Variants in ZNF682 observed in about 807,000 individuals in gnomAD.
The protein encoded by ZNF682 is zinc finger protein 682.
In ZNF682, 29 loss-of-function variants were observed where a neutral mutation model predicts 36.5. That is an observed-to-expected ratio of 0.80 (90% CI 0.59 to 1.08). ZNF682 has a LOEUF of 1.08. Ranked by LOEUF, ZNF682 falls within the 50% of genes least tolerant of loss-of-function variation. The pLI is 0.00. For missense variants in ZNF682, 561 were observed against 579.7 expected, an observed-to-expected ratio of 0.97 and a Z score of 0.33; for synonymous variants, 180 against 197.0, an observed-to-expected ratio of 0.91 and a Z score of 0.72.
intron 3 of ZNF682, among the ~76,000 whole-genome samples, chr19:20,011,923 GC>G (rs1428689040): frequency 1.3e-5 from 2 of 152,052 alleles, no homozygotes; most frequent in Non-Finnish European, 2.9e-5. Flanking sequence ...TGTAATCCTA[GC>G]TACCTGGGAG....
chr19:20,037,384 C>A (rs1057414001), intron 1 of ZNF682, among the ~76,000 whole-genome samples: 1 of 152,136 alleles, frequency 6.6e-6, no homozygotes, highest in African/African-American at 2.4e-5. Flanking sequence ...TCAGGTGGCA[C>A]AGAAGCCTGG....
At chr19:20,025,857 T>A (rs1231344512) in intron 1 of ZNF682, among the ~76,000 whole-genome samples, 1 of 152,176 alleles carries the variant, frequency 6.6e-6, no homozygotes, top group Non-Finnish European at 1.5e-5. Flanking sequence ...AAGCTACAGA[T>A]ATCTCCCAGG....
At chr19:20,000,430 T>C (rs2088159539), downstream of ZNF682, among the ~76,000 whole-genome samples, 1 of 152,162 alleles carries the variant, frequency 6.6e-6, no homozygotes, top group Admixed American at 6.5e-5. Context: ...CACCCACAGA[T>C]AACAGGGCAA....
At chr19:20,016,171 C>T (rs547560123) in intron 3 of ZNF682, among the ~76,000 whole-genome samples, 19 of 152,162 alleles carry the variant, frequency 1.2e-4, no homozygotes, top group Admixed American at 2.6e-4. Context: ...ATTAGCCAGG[C>T]GTGGTAGCAC....
At chr19:20,016,382 G>C (rs533233103) in intron 3 of ZNF682, among the ~76,000 whole-genome samples, 59 of 152,000 alleles carry the variant, frequency 3.9e-4, no homozygotes, top group Non-Finnish European at 7.4e-4. Context: ...ATCTGACAGG[G>C]AATTCAAAAT....
intron 1 of ZNF682, among the ~76,000 whole-genome samples, chr19:20,033,231 C>T (rs757283643): frequency 5.3e-5 from 8 of 152,110 alleles, no homozygotes; most frequent in African/African-American, 1.2e-4. Flanking sequence ...CGAGATCACA[C>T]CACTGCACTC....
chr19:20,000,291 A>G (rs1262824196), downstream of ZNF682, among the ~76,000 whole-genome samples: 1 of 152,200 alleles, frequency 6.6e-6, no homozygotes, highest in Non-Finnish European at 1.5e-5. Context: ...TTGGTGAGAG[A>G]TGCTCAAGAG....
intron 3 of ZNF682, among the ~76,000 whole-genome samples, chr19:20,013,303 A>T (rs1160990154): frequency 2.0e-5 from 3 of 152,032 alleles, no homozygotes; most frequent in South Asian, 4.1e-4. Context: ...ACTATAACAT[A>T]TATATTATCA....
intron 3 of ZNF682, among the ~76,000 whole-genome samples, chr19:20,009,516 G>A (rs2088263093): frequency 6.6e-6 from 1 of 152,064 alleles, no homozygotes; most frequent in African/African-American, 2.4e-5. Context: ...AGAGATACAA[G>A]AAATTCAAGG....
At chr19:20,011,980 T>G (rs2088292289) in intron 3 of ZNF682, among the ~76,000 whole-genome samples, 1 of 151,884 alleles carries the variant, frequency 6.6e-6, no homozygotes, top group Non-Finnish European at 1.5e-5. Flanking sequence ...GAGGTTGCAG[T>G]GAGCGGAGAT....
At chr19:20,028,422 G>A (rs895041765) in intron 1 of ZNF682, among the ~76,000 whole-genome samples, 13 of 152,096 alleles carry the variant, frequency 8.5e-5, no homozygotes, top group Admixed American at 8.5e-4. Context: ...ATATTGGCTA[G>A]GCTGGTCTTG....
At chr19:20,038,388 T>C (rs765717693) in intron 1 of ZNF682, among the ~76,000 whole-genome samples, 21 of 151,982 alleles carry the variant, frequency 1.4e-4, no homozygotes, top group Non-Finnish European at 2.8e-4. Flanking sequence ...TAGTTGATAA[T>C]GTTGTGAATT....
intron 1 of ZNF682, among the ~76,000 whole-genome samples, chr19:20,034,774 CAAAA>C (rs34063491): frequency 1.5e-5 from 2 of 134,176 alleles, no homozygotes; most frequent in Non-Finnish European, 1.6e-5. Flanking sequence ...AACTCCATCT[CAAAA>C]AAAAAAAAAA....
chr19:20,022,345 C>CCAAAA (rs56274466), intron 3 of ZNF682, among the ~76,000 whole-genome samples: 110,863 of 148,806 alleles, frequency 0.75, 41,564 homozygotes, highest in Middle Eastern at 0.84. Context: ...AAACCCAAAA[C>CCAAAA]CAAAACAAAA....
At chr19:20,015,567 C>G (rs751180024) in intron 3 of ZNF682, 28 of 388,444 alleles carry the variant, frequency 7.2e-5, no homozygotes, top group Non-Finnish European at 9.5e-5. Flanking sequence ...GAAACTATAA[C>G]CCATAAAATT....
chr19:20,022,052 A>AC (rs2088388981), intron 3 of ZNF682, among the ~76,000 whole-genome samples: 1 of 151,452 alleles, frequency 6.6e-6, no homozygotes, highest in Non-Finnish European at 1.5e-5. Context: ...CGCCTGTAAT[A>AC]CCAGCTACTT....
At chr19:20,037,596 C>A (rs912518524) in intron 1 of ZNF682, among the ~76,000 whole-genome samples, 1 of 64,740 alleles carries the variant, frequency 1.5e-5, no homozygotes, top group Admixed American at 1.4e-4. Flanking sequence ...GACATTTTCC[C>A]GCCCCATCCT....
At chr19:20,038,290 A>G (rs576537065) in intron 1 of ZNF682, among the ~76,000 whole-genome samples, 2 of 152,216 alleles carry the variant, frequency 1.3e-5, no homozygotes, top group South Asian at 4.1e-4. Flanking sequence ...AATGAAAAAC[A>G]ATTCTTTTTC....
intron 3 of ZNF682, among the ~76,000 whole-genome samples, chr19:20,021,546 T>C (rs1041884409): frequency 2.0e-5 from 3 of 152,166 alleles, no homozygotes; most frequent in African/African-American, 7.2e-5. Context: ...GATGCATTCA[T>C]TAACTTAACT....
Sources: allele counts gnomAD v4.1 joint callset (sites outside exome capture counted in the v4.1 genomes callset), GRCh38; gene constraint gnomAD v4.1.1; transcripts MANE v1.5; gene names NCBI Gene and HGNC (gene_info 2026-07-23, HGNC 2026-07-21).